The following PCDHGA6 variants were observed in gnomAD, a reference collection of about 807,000 sequenced individuals.
PCDHGA6 encodes the protein protocadherin gamma-A6.
Under a neutral mutation model 60.6 loss-of-function variants are expected in PCDHGA6, and 41 were observed. That is an observed-to-expected ratio of 0.68 (90% CI 0.53 to 0.88). PCDHGA6 has a LOEUF of 0.88. PCDHGA6 is among the 40% of genes least tolerant of loss of function. The pLI is 0.00. For synonymous variants in PCDHGA6, 594 were observed against 524.4 expected (o/e 1.13, Z -1.81); for missense variants, 1,312 against 1,203.0 (o/e 1.09, Z -1.34).
intron 1 of PCDHGA6, among the ~76,000 whole-genome samples, chr5:141,457,187 G>A (rs1314148733): frequency 1.3e-5 from 2 of 152,210 alleles, no homozygotes; most frequent in Admixed American, 1.3e-4. Flanking sequence ...ATAGTAGAGT[G>A]AGGAAAGCAG....
intron 1 of PCDHGA6, among the ~76,000 whole-genome samples, chr5:141,402,239 T>A (rs1361940803): frequency 6.6e-6 from 1 of 152,066 alleles, no homozygotes; most frequent in African/African-American, 2.4e-5. Flanking sequence ...AGGAATTTTA[T>A]CATCAAAATA....
chr5:141,444,043 T>C (rs542828018), intron 1 of PCDHGA6, among the ~76,000 whole-genome samples: 1 of 151,820 alleles, frequency 6.6e-6, no homozygotes, highest in African/African-American at 2.4e-5. Context: ...AATCAGATAA[T>C]TTGGCATCTT....
intron 1 of PCDHGA6, chr5:141,409,953 C>T: frequency 6.2e-7 from 1 of 1,613,398 alleles, no homozygotes; most frequent in Non-Finnish European, 8.5e-7. Context: ...TCTGCAGAGC[C>T]CGGCTACCTA....
In PCDHGA6 at chr5:141,485,109, C is replaced by A; in HGVS notation, c.2425-9698C>A. ...AGATAGGTGTCTCCAGCTGCTGTGG[C>A]TGTTTGGGGCGGGTCGGCTTCATCC... On this transcript the variant is annotated intron_variant, in intron 1 of 3. Transcript: ENST00000517434. This position sits in a 1 kb window ranked among gnomAD's most constrained non-coding sequence, Gnocchi z 5.7. The A allele has an allele frequency of 1.6e-6, 2 of 1,230,962 alleles. No individual in the cohort carries two copies. The highest frequency in any genetic ancestry group is 2.4e-6 in the Non-Finnish European group (2 of 850,024). The allele number at this position is 1,230,962 out of a possible 1,614,324, so 76.3% of individuals were successfully genotyped here.
rs2099410057 is a variant in PCDHGA6, at chr5:141,477,370, G to C, written c.2425-17437G>C. The C allele has an allele frequency of 6.2e-7, 1 of 1,614,054 alleles. No homozygotes were observed. On this transcript the variant is annotated intron_variant, in intron 1 of 3. Coordinates refer to ENST00000517434, the MANE Select transcript of PCDHGA6 (RefSeq NM_018919.3). This position sits in a 1 kb window ranked among gnomAD's most constrained non-coding sequence, Gnocchi z 4.9. The stretch of plus-strand genomic sequence containing the variant: ...AAACCAGTGCAGACCTGGATCGGGA[G>C]ACTGTGCCAGAATACAACCTCAGCA...
chr5:141,405,457 TTA>T, intron 1 of PCDHGA6: 1 of 1,256,670 alleles, frequency 8.0e-7, no homozygotes, highest in Non-Finnish European at 1.1e-6. Context: ...TCTTACTCTG[TTA>T]CCCAGGCTGG....
At chr5:141,414,945 C>G in intron 1 of PCDHGA6, 2 of 1,614,098 alleles carry the variant, frequency 1.2e-6, no homozygotes, top group Non-Finnish European at 8.5e-7. Flanking sequence ...AGCCCGGCTA[C>G]CTGGTGACCA....
At chr5:141,451,597 C>CAAGG (rs1434393705) in intron 1 of PCDHGA6, among the ~76,000 whole-genome samples, 3 of 152,076 alleles carry the variant, frequency 2.0e-5, no homozygotes, top group Non-Finnish European at 2.9e-5. Flanking sequence ...AAGTGACATA[C>CAAGG]AAGGCTAGGC....
At chr5:141,385,260 A>G (rs1337413063) in intron 1 of PCDHGA6, 1 of 1,613,648 alleles carries the variant, frequency 6.2e-7, no homozygotes, top group African/African-American at 1.3e-5. Flanking sequence ...GCTGTGAGAA[A>G]AATGATTCTT....
intron 1 of PCDHGA6, chr5:141,414,230 C>G (rs367888906): frequency 6.2e-7 from 1 of 1,613,190 alleles, no homozygotes; most frequent in Non-Finnish European, 8.5e-7. Flanking sequence ...CCAGAGCTGA[C>G]CATCACGTCT....
At chr5:141,509,908 G>A (rs376035312) in intron 3 of PCDHGA6, among the ~76,000 whole-genome samples, 1 of 152,164 alleles carries the variant, frequency 6.6e-6, no homozygotes, top group African/African-American at 2.4e-5. Flanking sequence ...TCCAGCATGC[G>A]CTTAGGTACA....
Position 141,431,547 on chromosome 5 carries a change from T to C in PCDHGA6, c.2424+55040T>C. On this transcript the variant is annotated intron_variant, in intron 1 of 3. Transcript: ENST00000517434. The surrounding 1 kb of genome is among the most constrained non-coding windows in gnomAD (Gnocchi z 4.8). ...CTGGCCTTGGGCACGCAGCTGCTTG[T>C]AGTCAACGCTACCGACCCTGACGAA... The C allele has an allele frequency of 1.2e-6, 2 of 1,614,096 alleles. No homozygotes were observed. The highest frequency in any genetic ancestry group is 2.2e-5 in the East Asian group (1 of 44,882).
intron 1 of PCDHGA6, among the ~76,000 whole-genome samples, chr5:141,434,767 C>T (rs2097715264): frequency 6.6e-6 from 1 of 151,182 alleles, no homozygotes. Flanking sequence ...CCACTTCACA[C>T]TTCTAAAAAA....
At position 141,494,934 on chromosome 5, in the gene PCDHGA6, T is replaced by C. The variant is rs2099757666; in HGVS notation, c.2483+69T>C. On this transcript the variant is annotated intron_variant, in intron 2 of 3. Transcript: ENST00000517434. ...TTCTCAGGGATGACGTGGGAGGAGA[T>C]GGGGGAGGGCCCAGCATTTGCTACA... 5.6e-6 allele frequency: 9 copies of C among 1,612,736 alleles called. No individual in the cohort carries two copies. The South Asian group carries it at 7.7e-5, about 14-fold the overall frequency.
intron 1 of PCDHGA6, chr5:141,412,158 G>A (rs188069449): frequency 1.3e-5 from 2 of 152,324 alleles, no homozygotes; most frequent in East Asian, 3.9e-4. Context: ...CCTAAGAGAA[G>A]AGATTATTTA....
rs994881086 is a variant in PCDHGA6, at chr5:141,417,704, A to C, written c.2424+41197A>C. 1.0e-4 allele frequency: 125 copies of C among 1,207,342 alleles called. 3 individuals are homozygous for C. In the East Asian group the frequency reaches 2.7e-3, roughly 26 times the overall value. The allele number at this position is 1,207,342 out of a possible 1,614,324, so 74.8% of individuals were successfully genotyped here. Reference sequence around the variant, plus strand: ...CAGAAAAGAAAACCAGCTCCCACACAGAGGCTCCCGGCTGCGCAGACCTTG... The same window carrying C: ...CAGAAAAGAAAACCAGCTCCCACACCGAGGCTCCCGGCTGCGCAGACCTTG... On this transcript the variant is annotated intron_variant, in intron 1 of 3. Transcript: ENST00000517434.
chr5:141,393,115 GGT>G (rs1236382706), intron 1 of PCDHGA6: 1 of 1,613,438 alleles, frequency 6.2e-7, no homozygotes, highest in Non-Finnish European at 8.5e-7. Flanking sequence ...CAGAGCCCGC[GGT>G]GTCTGATAAA....
At chr5:141,496,892 A>AG (rs1372616572) in intron 2 of PCDHGA6, among the ~76,000 whole-genome samples, 1 of 151,766 alleles carries the variant, frequency 6.6e-6, no homozygotes, top group Non-Finnish European at 1.5e-5. Flanking sequence ...AACACTTAAA[A>AG]AAAAAAAAAA....
In PCDHGA6 at chr5:141,491,737, G is replaced by A; in HGVS notation, c.2425-3070G>A. The A allele has an allele frequency of 6.2e-7, 1 of 1,600,586 alleles. No homozygotes were observed. Among genetic ancestry groups the A allele is most frequent in the Non-Finnish European group, 8.5e-7 (1 of 1,174,266 alleles). On this transcript the variant is annotated intron_variant, in intron 1 of 3. Coordinates refer to ENST00000517434, the MANE Select transcript of PCDHGA6 (RefSeq NM_018919.3). This position sits in a 1 kb window ranked among gnomAD's most constrained non-coding sequence, Gnocchi z 6.9. ...GGCGCCGCCCCGGGCGACCCCTGGG[G>A]GCGGCACTGGAGAAGCCGCCCGTCC...
Sources: allele counts gnomAD v4.1 joint callset (sites outside exome capture counted in the v4.1 genomes callset), GRCh38; gene constraint gnomAD v4.1.1; non-coding constraint Gnocchi (gnomAD v3.1); transcripts MANE v1.5; gene names NCBI Gene and HGNC (gene_info 2026-07-23, HGNC 2026-07-21).